Variants in LUZP4 observed in about 807,000 individuals in gnomAD.
The protein encoded by LUZP4 is leucine zipper protein 4, also known as HOM-TES-85 tumor antigen.
In LUZP4, 11 loss-of-function variants were observed where a neutral mutation model predicts 8.5. The observed-to-expected ratio is 1.30, with a 90% confidence interval of 0.82 to 2.14. The LOEUF is 2.14. Ranked by LOEUF, LUZP4 falls within the 30% of genes most tolerant of loss-of-function variation. LUZP4 has a pLI of 0.00. For synonymous variants in LUZP4, 104 were observed against 79.4 expected, an observed-to-expected ratio of 1.31 and a Z score of -1.65; for missense variants, 276 against 229.7, an observed-to-expected ratio of 1.20 and a Z score of -1.30.
intron 1 of LUZP4, among the ~76,000 whole-genome samples, chrX:115,296,552 A>G: frequency 8.9e-6 from 1 of 111,773 alleles, no homozygotes; most frequent in Non-Finnish European, 1.9e-5. Context: ...AGCATTAAGG[A>G]CGCTTTCTTC....
intron 1 of LUZP4, among the ~76,000 whole-genome samples, chrX:115,293,590 C>CT (rs202038501): frequency 4.5e-5 from 5 of 110,664 alleles, no homozygotes; most frequent in Admixed American, 9.6e-5. Flanking sequence ...TGATACTATC[C>CT]TTTTTTTAAA....
intron 1 of LUZP4, among the ~76,000 whole-genome samples, chrX:115,299,608 A>G (rs2073386937): frequency 9.0e-6 from 1 of 111,263 alleles, no homozygotes; most frequent in Non-Finnish European, 1.9e-5. Flanking sequence ...GGACTACCAT[A>G]GATGTTCCCT....
At chrX:115,294,693 C>G (rs1406940022) in intron 1 of LUZP4, among the ~76,000 whole-genome samples, 1 of 111,643 alleles carries the variant, frequency 9.0e-6, no homozygotes, top group Non-Finnish European at 1.9e-5. Flanking sequence ...TGTCGTGTAA[C>G]TTGAATAATA....
Position 115,289,723 on chromosome X carries a change from C to T in LUZP4, c.-37C>T, listed in dbSNP as rs1314400009. On this transcript the variant is annotated 5_prime_UTR_variant, in exon 1 of 4. Transcript: ENST00000371920. ...CGCGGTGAGGGGGTGGTACACGCGC[C>T]CTACCTCGGAGTGTGTGGCGCCATG... 1 of 1,073,090 alleles carries T rather than the reference C, an allele frequency of 9.3e-7. No homozygotes were observed. The highest frequency in any genetic ancestry group is 2.2e-5 in the Admixed American group (1 of 45,664). 88.4% of individuals were successfully genotyped at this position (1,073,090 alleles called of 1,213,427 possible).
At chrX:115,292,743 T>C (rs2073354046) in intron 1 of LUZP4, among the ~76,000 whole-genome samples, 1 of 111,540 alleles carries the variant, frequency 9.0e-6, no homozygotes, top group East Asian at 2.8e-4. Context: ...TTAATCATCA[T>C]TTTACCTTTG....
intron 1 of LUZP4, among the ~76,000 whole-genome samples, chrX:115,297,145 T>A (rs1220411659): frequency 8.9e-6 from 1 of 112,070 alleles, no homozygotes; most frequent in East Asian, 2.8e-4. Context: ...TATTATTGAC[T>A]ATAGTCACCC....
At chrX:115,303,065 A>C (rs1270004096) in intron 2 of LUZP4, among the ~76,000 whole-genome samples, 1 of 111,410 alleles carries the variant, frequency 9.0e-6, no homozygotes, top group African/African-American at 3.3e-5. Context: ...ATGAAACCAA[A>C]ATTGACGTAT....
At chrX:115,305,068 A>G (rs1411363032) in intron 3 of LUZP4, among the ~76,000 whole-genome samples, 2 of 111,984 alleles carry the variant, frequency 1.8e-5, no homozygotes, top group African/African-American at 6.5e-5. Context: ...GGAAATACAT[A>G]GTACATTTCT....
rs2147408766 is a variant in LUZP4 at position 115,307,185 on chromosome X, A to G, written c.*381A>G. 5.9e-6 allele frequency: 1 copy of G among 168,236 alleles called. No individual in the cohort carries two copies. Among genetic ancestry groups the G allele is most frequent in the South Asian group, 1.5e-4 (1 of 6,464 alleles). The allele number at this position is 168,236 out of a possible 1,213,427, so 13.9% of individuals were successfully genotyped here. On this transcript the variant is annotated 3_prime_UTR_variant, in exon 4 of 4. Transcript: ENST00000371920. ...ACCTGGTAGGTAAGCTAATCTAACA[A>G]CTAACTGCCAAATTGATAATATATA...
chrX:115,301,990 A>G lies in LUZP4; in HGVS notation c.92-2A>G, dbSNP rs912186533. 8.9e-7 allele frequency: 1 copy of G among 1,129,116 alleles called. No individual in the cohort carries two copies. Among genetic ancestry groups the G allele is most frequent in the Non-Finnish European group, 1.2e-6 (1 of 844,450 alleles). 93.1% of individuals were successfully genotyped at this position (1,129,116 alleles called of 1,213,427 possible). ...TCATTTTTTATGTATTTTCTAATAC[A>G]GACGACATTATAATCTATAAAGAGT... On this transcript the variant is annotated splice_acceptor_variant, in intron 1 of 3. Transcript: ENST00000371920. LOFTEE classifies it high-confidence loss of function.
Position 115,302,076 on chromosome X carries a change from C to T in LUZP4, c.176C>T (p.Ser59Leu), listed in dbSNP as rs782173658. ...AGACAGAACCATAGTAAAAAGGAAT[C>T]GCCTTCAAGACAGCAATCAAAAGCT... ...NKRQNHSKKE[S>L]PSRQQSKAHR... Residue 59 changes from serine to leucine, a missense_variant, in exon 2 of 4, where the codon TCG (serine) becomes TTG (leucine). Ser to Leu is a moderately radical substitution (Grantham distance 145). Transcript: ENST00000371920. 3 of 1,196,294 alleles carry T rather than the reference C, an allele frequency of 2.5e-6. No individual in the cohort carries two copies. The highest frequency in any genetic ancestry group is 4.7e-4 in the Middle Eastern group (2 of 4,296).
At chrX:115,291,322 C>T (rs187969259) in intron 1 of LUZP4, among the ~76,000 whole-genome samples, 36 of 111,166 alleles carry the variant, frequency 3.2e-4, no homozygotes, top group African/African-American at 1.1e-3. Context: ...TGGTCTCGAA[C>T]TCCTGGCCTC....
At chrX:115,292,113 G>C (rs1406184076) in intron 1 of LUZP4, among the ~76,000 whole-genome samples, 7 of 112,006 alleles carry the variant, frequency 6.2e-5, no homozygotes, top group African/African-American at 2.3e-4. Context: ...GTCCTTTGAA[G>C]TCCCGAAGTT....
chrX:115,290,714 C>T (rs1261353329), intron 1 of LUZP4, among the ~76,000 whole-genome samples: 1 of 110,621 alleles, frequency 9.0e-6, no homozygotes, highest in African/African-American at 3.3e-5. Context: ...AGAAGGGCAT[C>T]AGAGCACGGA....
At chrX:115,295,175 A>G in intron 1 of LUZP4, among the ~76,000 whole-genome samples, 1 of 111,937 alleles carries the variant, frequency 8.9e-6, no homozygotes, top group Non-Finnish European at 1.9e-5. Context: ...TCCCAGGCTC[A>G]AGCGATCCTC....
chrX:115,306,816 ATG>A lies in LUZP4; in HGVS notation c.*16_*17del, dbSNP rs781920394. On this transcript the variant is annotated 3_prime_UTR_variant, in exon 4 of 4. Transcript: ENST00000371920. Reference sequence around the variant, plus strand: ...CAATAACTACTTAATCATCAGAACAATGTGTTGAATTCTGTGGAAATAGAAAA... The same window carrying A: ...CAATAACTACTTAATCATCAGAACAATGTTGAATTCTGTGGAAATAGAAAA... The A allele has an allele frequency of 1.2e-5, 14 of 1,182,400 alleles. No homozygotes were observed. The highest frequency in any genetic ancestry group is 1.6e-5 in the Non-Finnish European group (14 of 871,625).
intron 3 of LUZP4, among the ~76,000 whole-genome samples, chrX:115,304,676 GA>G (rs1269176352): frequency 9.2e-6 from 1 of 108,520 alleles, no homozygotes; most frequent in Non-Finnish European, 1.9e-5. Flanking sequence ...CATGCTCTGC[GA>G]ATTTTTTTTT....
intron 1 of LUZP4, among the ~76,000 whole-genome samples, chrX:115,294,714 C>G (rs782291132): frequency 1.1e-4 from 12 of 111,499 alleles, no homozygotes; most frequent in African/African-American, 3.9e-4. Flanking sequence ...GTGAAGTAAA[C>G]GGACTTAGGA....
Position 115,302,045 on chromosome X carries a change from A to G in LUZP4, c.145A>G (p.Asn49Asp). ...AGGGACAAATGCTGAAGAAGAAAAG[A>G]ATAAAAGACAGAACCATAGTAAAAA... ...LEGTNAEEEKNKRQNHSKKES... is the reference protein window; with the variant it reads ...LEGTNAEEEKDKRQNHSKKES... The change falls in exon 2 of 4, where the codon AAT (asparagine) becomes GAT (aspartate). Residue 49 changes from asparagine to aspartate, a missense_variant. Transcript: ENST00000371920. 1 of 1,185,207 alleles carries G rather than the reference A, an allele frequency of 8.4e-7. No individual in the cohort carries two copies. The highest frequency in any genetic ancestry group is 1.1e-6 in the Non-Finnish European group (1 of 874,902).
Sources: allele counts gnomAD v4.1 joint callset (sites outside exome capture counted in the v4.1 genomes callset), GRCh38; gene constraint gnomAD v4.1.1; transcripts MANE v1.5; gene names NCBI Gene and HGNC (gene_info 2026-07-23, HGNC 2026-07-21).